BLTP3B: variants seen among roughly 807,000 people sequenced by gnomAD.
BLTP3B encodes UHRF1 (ICBP90) binding protein 1-like.
chr12:100,120,074 C>T, the BLTP3B span, among the ~76,000 whole-genome samples: 1 of 152,116 alleles, frequency 6.6e-6, no homozygotes, highest in Non-Finnish European at 1.5e-5. Flanking sequence ...GAAAGTAAGA[C>T]AATTCACTAA....
the BLTP3B span, among the ~76,000 whole-genome samples, chr12:100,077,662 TTAAA>T: frequency 6.6e-6 from 1 of 152,322 alleles, no homozygotes; most frequent in Admixed American, 6.5e-5. Context: ...AATCACTGAG[TTAAA>T]TAAAAACTTT....
chr12:100,104,201 T>A, the BLTP3B span, among the ~76,000 whole-genome samples: 1 of 150,452 alleles, frequency 6.6e-6, no homozygotes, highest in African/African-American at 2.4e-5. Context: ...AAGTTCTTTT[T>A]TTCTTTTTTT....
At chr12:100,065,775 A>G in the BLTP3B span, among the ~76,000 whole-genome samples, 207 of 152,216 alleles carry the variant, frequency 1.4e-3, no homozygotes, top group African/African-American at 4.8e-3. Context: ...TTGCCTTGTG[A>G]TCTTTGCTTT....
chr12:100,124,936 T>TCATATA, the BLTP3B span, among the ~76,000 whole-genome samples: 1 of 56,542 alleles, frequency 1.8e-5, no homozygotes, highest in African/African-American at 5.9e-5. Context: ...AAAAAAAATT[T>TCATATA]TATATATATA....
chr12:100,083,260 G>T, the BLTP3B span: 2 of 629,188 alleles, frequency 3.2e-6, no homozygotes, highest in Non-Finnish European at 5.6e-6. Flanking sequence ...AATATTTGTG[G>T]ACATACTTTA....
the BLTP3B span, among the ~76,000 whole-genome samples, chr12:100,117,903 T>C: frequency 6.6e-6 from 1 of 152,176 alleles, no homozygotes; most frequent in Non-Finnish European, 1.5e-5. Context: ...TAGGAAGTTA[T>C]CTGGGGGACT....
At chr12:100,091,157 T>A in the BLTP3B span, among the ~76,000 whole-genome samples, 2 of 150,164 alleles carry the variant, frequency 1.3e-5, no homozygotes, top group Non-Finnish European at 3.0e-5. Context: ...GCTGGGATTA[T>A]AGGCGTGCAC....
the BLTP3B span, among the ~76,000 whole-genome samples, chr12:100,130,851 G>A: frequency 3.3e-5 from 5 of 151,958 alleles, no homozygotes; most frequent in Non-Finnish European, 5.9e-5. Flanking sequence ...TTTAACCCAG[G>A]GGGTGGAGGT....
chr12:100,094,089 G>A, the BLTP3B span, among the ~76,000 whole-genome samples: 1 of 152,076 alleles, frequency 6.6e-6, no homozygotes, highest in Admixed American at 6.5e-5. Flanking sequence ...TAACATTTAT[G>A]TTGAACTACA....
chr12:100,130,949 C>CATACATACATACATACATATAT, the BLTP3B span, among the ~76,000 whole-genome samples: 370 of 97,560 alleles, frequency 3.8e-3, 4 homozygotes, highest in Middle Eastern at 0.025. Context: ...TACATACATA[C>CATACATACATACATACATATAT]ATATATATAT....
At chr12:100,110,134 T>A in the BLTP3B span, among the ~76,000 whole-genome samples, 4 of 152,064 alleles carry the variant, frequency 2.6e-5, no homozygotes, top group African/African-American at 7.2e-5. Context: ...CTAACAAGAG[T>A]TAGTCTTTAC....
At chr12:100,114,186 T>C in the BLTP3B span, among the ~76,000 whole-genome samples, 3 of 152,288 alleles carry the variant, frequency 2.0e-5, no homozygotes, top group Middle Eastern at 3.4e-3. Context: ...GGAAAAACTG[T>C]ATATACAGGG....
chr12:100,093,447 A>G, the BLTP3B span, among the ~76,000 whole-genome samples: 1 of 152,226 alleles, frequency 6.6e-6, no homozygotes, highest in African/African-American at 2.4e-5. Flanking sequence ...CTAATAGCTG[A>G]CAATTATTTG....
the BLTP3B span, among the ~76,000 whole-genome samples, chr12:100,081,785 A>G: frequency 6.6e-6 from 1 of 152,190 alleles, no homozygotes; most frequent in African/African-American, 2.4e-5. Flanking sequence ...TGCGGTGTAT[A>G]TGTACCACAG....
chr12:100,068,902 C>G, the BLTP3B span, among the ~76,000 whole-genome samples: 1 of 152,138 alleles, frequency 6.6e-6, no homozygotes, highest in Non-Finnish European at 1.5e-5. Flanking sequence ...GGAATATAAA[C>G]TAGTACAACC....
chr12:100,096,205 G>A, the BLTP3B span, among the ~76,000 whole-genome samples: 2 of 151,816 alleles, frequency 1.3e-5, no homozygotes, highest in Admixed American at 6.6e-5. Context: ...AGTGAGCAGA[G>A]ATAGTGCCAT....
chr12:100,058,720 C>T, the BLTP3B span: 1 of 1,613,932 alleles, frequency 6.2e-7, no homozygotes, highest in East Asian at 2.2e-5. Context: ...GTCTGACTAG[C>T]AGGACTGCCA....
the BLTP3B span, among the ~76,000 whole-genome samples, chr12:100,082,419 T>C: frequency 6.6e-6 from 1 of 152,248 alleles, no homozygotes; most frequent in Admixed American, 6.5e-5. Context: ...CCTATTTTTG[T>C]TTTTGTTGCA....
At chr12:100,141,381 A>ATATATATGTATGTGTATATATGTG in the BLTP3B span, among the ~76,000 whole-genome samples, 1 of 151,194 alleles carries the variant, frequency 6.6e-6, no homozygotes, top group African/African-American at 2.4e-5. Context: ...TGTAGTACAC[A>ATATATATGTATGTGTATATATGTG]TATATATGTA....
Sources: allele counts gnomAD v4.1 joint callset (sites outside exome capture counted in the v4.1 genomes callset), GRCh38; gene constraint gnomAD v4.1.1; transcripts MANE v1.5; gene names NCBI Gene and HGNC (gene_info 2026-07-23, HGNC 2026-07-21).